HMBOX1: variants seen among roughly 807,000 people sequenced by gnomAD.
HMBOX1 encodes the protein homeobox-containing protein 1.
Under a neutral mutation model 54.5 loss-of-function variants are expected in HMBOX1, and 14 were observed. The observed-to-expected ratio is 0.26, with a 90% CI of 0.17 to 0.40. The LOEUF is 0.40. Among genes scored for constraint, HMBOX1 ranks in the 10% least tolerant of loss-of-function variants. The pLI is 1.00. For synonymous variants in HMBOX1, 160 were observed against 181.0 expected, an observed-to-expected ratio of 0.88 and a Z score of 0.93; for missense variants, 332 against 514.4, an observed-to-expected ratio of 0.65 and a Z score of 3.43.
intron 3 of HMBOX1, among the ~76,000 whole-genome samples, chr8:28,973,443 C>T (rs1382538346): frequency 6.6e-6 from 1 of 152,064 alleles, no homozygotes; most frequent in Non-Finnish European, 1.5e-5. Context: ...GCTTCACATC[C>T]CCCTCCCCCA....
At chr8:28,955,938 GTGA>G (rs1172205329) in intron 1 of HMBOX1, 26 of 135,290 alleles carry the variant, frequency 1.9e-4, no homozygotes, top group African/African-American at 7.3e-4. Flanking sequence ...GGGCGACAGA[GTGA>G]GACTCTGTCT....
chr8:29,013,324 T>TG (rs1477582488), intron 5 of HMBOX1, among the ~76,000 whole-genome samples: 1 of 152,126 alleles, frequency 6.6e-6, no homozygotes, highest in Non-Finnish European at 1.5e-5. Context: ...TTAGTAGAGA[T>TG]GGGGTTTCAC....
chr8:28,901,870 A>G (rs1027210665), intron 1 of HMBOX1, among the ~76,000 whole-genome samples: 3 of 152,050 alleles, frequency 2.0e-5, no homozygotes. Context: ...GGCATTTGCT[A>G]CCTTACCCAC....
chr8:29,045,221 A>G (rs1805398774), intron 6 of HMBOX1, 140 bp from the exon 7 acceptor site: 1 of 690,192 alleles, frequency 1.4e-6, no homozygotes, highest in Non-Finnish European at 2.6e-6. Context: ...TTCTACTCTC[A>G]CAGAACATTC....
intron 4 of HMBOX1, among the ~76,000 whole-genome samples, chr8:28,985,150 T>G (rs1286126504): frequency 6.6e-6 from 1 of 152,212 alleles, no homozygotes; most frequent in Non-Finnish European, 1.5e-5. Flanking sequence ...TACCATGAAC[T>G]GGGTGGCTTA....
chr8:28,953,210 C>A (rs1369922209), intron 1 of HMBOX1, among the ~76,000 whole-genome samples: 1 of 152,178 alleles, frequency 6.6e-6, no homozygotes, highest in Non-Finnish European at 1.5e-5. Flanking sequence ...ATATTTCAAT[C>A]ATCATTTTTA....
intron 1 of HMBOX1, among the ~76,000 whole-genome samples, chr8:28,927,759 G>A (rs1323420282): frequency 1.3e-5 from 2 of 150,274 alleles, no homozygotes; most frequent in African/African-American, 4.9e-5. Flanking sequence ...ACTCATTTTG[G>A]GAGGCCAAGG....
At chr8:28,926,479 A>G (rs1334606705) in intron 1 of HMBOX1, among the ~76,000 whole-genome samples, 1 of 152,204 alleles carries the variant, frequency 6.6e-6, no homozygotes, top group Non-Finnish European at 1.5e-5. Context: ...GACTTATTCC[A>G]CATCTAGCCT....
chr8:28,930,594 C>T (rs918273978), intron 1 of HMBOX1, among the ~76,000 whole-genome samples: 1 of 152,154 alleles, frequency 6.6e-6, no homozygotes, highest in African/African-American at 2.4e-5. Context: ...TCACTGTTAC[C>T]TTTACCAGCC....
intron 3 of HMBOX1, among the ~76,000 whole-genome samples, chr8:28,971,377 C>G (rs1001085627): frequency 1.3e-5 from 2 of 152,088 alleles, no homozygotes; most frequent in Non-Finnish European, 2.9e-5. Flanking sequence ...AGGCATGAGC[C>G]ACTGCACCCA....
chr8:28,977,186 G>A (rs557454466), intron 3 of HMBOX1, among the ~76,000 whole-genome samples: 1 of 152,150 alleles, frequency 6.6e-6, no homozygotes, highest in East Asian at 1.9e-4. Context: ...CAATAATTGA[G>A]TGTTATCTCT....
intron 4 of HMBOX1, among the ~76,000 whole-genome samples, chr8:28,980,382 A>G (rs754766587): frequency 6.6e-6 from 1 of 152,198 alleles, no homozygotes; most frequent in Non-Finnish European, 1.5e-5. Context: ...AATAAGCACA[A>G]AATTCCCTAT....
chr8:28,940,800 A>C (rs180952493), intron 1 of HMBOX1, among the ~76,000 whole-genome samples: 20 of 152,360 alleles, frequency 1.3e-4, no homozygotes, highest in Admixed American at 1.2e-3. Flanking sequence ...TGTGAGCATC[A>C]AATGAGAAAA....
At chr8:28,897,277 G>A (rs1308826014) in intron 1 of HMBOX1, among the ~76,000 whole-genome samples, 2 of 151,288 alleles carry the variant, frequency 1.3e-5, no homozygotes, top group Non-Finnish European at 2.9e-5. Context: ...GCCACTGGTC[G>A]GCTAGTTTTT....
In HMBOX1 at chr8:29,052,559, A is replaced by G. The variant is rs1806537144; in HGVS notation, c.*1404A>G. ...ATCTTTTTTTCATTTTGAGAACTCA[A>G]AATACCAAACAGTGAACTTGCATTC... On this transcript the variant is annotated 3_prime_UTR_variant, in exon 10 of 10. Coordinates refer to ENST00000287701, the MANE Select transcript of HMBOX1 (RefSeq NM_001135726.3). The G allele has an allele frequency of 6.6e-6, 1 of 152,264 alleles. No homozygotes were observed. Among genetic ancestry groups the G allele is most frequent in the African/African-American group, 2.4e-5 (1 of 41,542 alleles). The allele number at this position is 152,264 out of a possible 1,614,324, so 9.4% of individuals were successfully genotyped here.
At chr8:28,979,130 C>T (rs957057382) in intron 3 of HMBOX1, among the ~76,000 whole-genome samples, 2 of 152,204 alleles carry the variant, frequency 1.3e-5, no homozygotes, top group Admixed American at 6.5e-5. Flanking sequence ...GAAGTTACCT[C>T]TATTCTATGT....
chr8:29,007,312 AAGT>A (rs1833606030), intron 4 of HMBOX1, among the ~76,000 whole-genome samples: 1 of 152,062 alleles, frequency 6.6e-6, no homozygotes, highest in African/African-American at 2.4e-5. Flanking sequence ...AGAAAAAAAA[AAGT>A]AGTATTAAAA....
At chr8:29,035,572 A>C (rs747608086) in intron 6 of HMBOX1, among the ~76,000 whole-genome samples, 6 of 152,324 alleles carry the variant, frequency 3.9e-5, no homozygotes, top group Non-Finnish European at 7.3e-5. Context: ...GGAGTTTGTG[A>C]ACTGGTTAAG....
At chr8:29,016,321 A>G (rs1007060442) in intron 5 of HMBOX1, among the ~76,000 whole-genome samples, 1 of 152,246 alleles carries the variant, frequency 6.6e-6, no homozygotes, top group African/African-American at 2.4e-5. Flanking sequence ...AAAGATATAA[A>G]TGGTCAATAA....
Sources: gnomAD v4.1 joint callset for allele counts (sites outside exome capture counted in the v4.1 genomes callset) on GRCh38, gnomAD v4.1.1 for gene constraint, MANE v1.5 for transcripts, NCBI Gene and HGNC (gene_info 2026-07-23, HGNC 2026-07-21) for gene names.